COG6: variants seen among roughly 807,000 people sequenced by gnomAD.
COG6 encodes conserved oligomeric Golgi complex subunit 6.
COG6 carries 74 observed loss-of-function variants against 88.8 expected under a neutral mutation model. The observed-to-expected ratio is 0.83, with a 90% confidence interval of 0.69 to 1.01. The LOEUF is 1.01. Among genes scored for constraint, COG6 ranks in the 50% least tolerant of loss-of-function variants. The probability of loss-of-function intolerance (pLI) is 0.00; values close to 1 mark genes in which losing one functional copy is unlikely to be tolerated. For synonymous variants in COG6, 286 were observed against 278.7 expected, an observed-to-expected ratio of 1.03 and a Z score of -0.26; for missense variants, 800 against 797.9, an observed-to-expected ratio of 1.00 and a Z score of -0.03.
Position 39,687,535 on chromosome 13 carries a change from G to A in COG6, c.821G>A (p.Arg274Lys), listed in dbSNP as rs1566179848. The A allele has an allele frequency of 4.3e-6, 7 of 1,613,298 alleles. No homozygotes were observed. The highest frequency in any genetic ancestry group is 5.9e-6 in the Non-Finnish European group (7 of 1,179,504). ...TTAGATGAATTTGGAACAGCCAGAA[G>A]AAGTACAGTTGTTCGTGGATTTATT... ...YTLDEFGTARRSTVVRGFIDA... is the reference protein window; with the variant it reads ...YTLDEFGTARKSTVVRGFIDA... The change falls in exon 9 of 19, where the codon AGA (arginine) becomes AAA (lysine). Residue 274 changes from arginine to lysine, a missense_variant. Arg to Lys is a conservative substitution (Grantham distance 26, BLOSUM62 2). Coordinates refer to ENST00000455146, the MANE Select transcript of COG6 (RefSeq NM_020751.3).
chr13:39,722,227 T>C (rs891115732), intron 15 of COG6, among the ~76,000 whole-genome samples: 1 of 152,056 alleles, frequency 6.6e-6, no homozygotes, highest in African/African-American at 2.4e-5. Context: ...ATTGAGTGTT[T>C]ACCTTTGCGC....
intron 16 of COG6, among the ~76,000 whole-genome samples, chr13:39,724,031 C>A (rs1878994904): frequency 6.6e-6 from 1 of 151,970 alleles, no homozygotes; most frequent in Non-Finnish European, 1.5e-5. Context: ...AGAACTCATT[C>A]AAACAGCATT....
At chr13:39,755,764 G>C (rs1242240279), downstream of COG6, among the ~76,000 whole-genome samples, 5 of 152,180 alleles carry the variant, frequency 3.3e-5, no homozygotes, top group African/African-American at 1.2e-4. Context: ...TGTCCCAACA[G>C]ACACACAGAG....
chr13:39,678,454 T>A (rs934210425), intron 5 of COG6, among the ~76,000 whole-genome samples: 1 of 152,226 alleles, frequency 6.6e-6, no homozygotes, highest in Admixed American at 6.5e-5. Context: ...TTCCTTGGGT[T>A]AGAAATCACT....
chr13:39,743,343 T>G (rs1378320574), intron 18 of COG6, among the ~76,000 whole-genome samples: 1 of 151,776 alleles, frequency 6.6e-6, no homozygotes, highest in South Asian at 2.1e-4. Context: ...TCAACAAAAT[T>G]GATAGACGGC....
exon 19 of COG6, chr13:39,788,480 T>C (rs975443534): frequency 1.3e-5 from 11 of 850,084 alleles, no homozygotes; most frequent in Non-Finnish European, 1.3e-5. Context: ...TTTGTCATCT[T>C]CCCCTGTCTA....
At chr13:39,749,823 G>C (rs1376990615) in intron 18 of COG6, among the ~76,000 whole-genome samples, 4 of 152,114 alleles carry the variant, frequency 2.6e-5, no homozygotes, top group African/African-American at 4.8e-5. Flanking sequence ...AATGGTAGAA[G>C]GAATTTGGGC....
intron 3 of COG6, among the ~76,000 whole-genome samples, chr13:39,662,512 T>C (rs1166855493): frequency 1.3e-5 from 2 of 152,184 alleles, no homozygotes; most frequent in Non-Finnish European, 2.9e-5. Context: ...TTTATTCAGA[T>C]CAACTTTATT....
chr13:39,659,418 C>T lies in COG6; in HGVS notation c.208C>T (p.Arg70Trp), dbSNP rs745344420. 11 of 1,613,170 alleles carry T rather than the reference C, an allele frequency of 6.8e-6. No homozygotes were observed. The Admixed American group carries it at 8.3e-5, about 12-fold the overall frequency. The change falls in exon 2 of 19, where the codon CGG (arginine) becomes TGG (tryptophan). Residue 70 changes from arginine to tryptophan, a missense_variant. Arg to Trp is a moderately radical substitution (Grantham distance 101). Coordinates refer to ENST00000455146, the MANE Select transcript of COG6 (RefSeq NM_020751.3). The part of the protein sequence containing the change: ...LSTFFVENSL[R>W]TRRNLRGDIE... The stretch of plus-strand genomic sequence containing the variant: ...AACCTTTTTTGTTGAAAATAGTCTG[C>T]GGACTCGAAGAAATTTACGTGGAGA...
At chr13:39,788,343 C>T (rs1397378695) in exon 19 of COG6, 2 of 1,551,812 alleles carry the variant, frequency 1.3e-6, no homozygotes, top group Non-Finnish European at 1.7e-6. Flanking sequence ...AGGCGTCCAC[C>T]CAACGGCCCA....
chr13:39,665,244 A>G, intron 4 of COG6, 90 bp downstream of exon 4: 1 of 747,004 alleles, frequency 1.3e-6, no homozygotes. Context: ...GAATTAAAGC[A>G]GAATAATAAA....
chr13:39,672,331 G>T (rs534845789), intron 4 of COG6, among the ~76,000 whole-genome samples: 1 of 151,798 alleles, frequency 6.6e-6, no homozygotes, highest in African/African-American at 2.4e-5. Flanking sequence ...ATAGTTTATT[G>T]GTTTTAGTAT....
intron 18 of COG6, among the ~76,000 whole-genome samples, chr13:39,733,622 G>A (rs1183051794): frequency 6.6e-6 from 1 of 151,346 alleles, no homozygotes; most frequent in Non-Finnish European, 1.5e-5. Flanking sequence ...TCTGTCTTTG[G>A]TTTTGGTATC....
intron 8 of COG6, among the ~76,000 whole-genome samples, chr13:39,684,243 ATTT>A (rs1203671335): frequency 2.5e-4 from 17 of 67,390 alleles, no homozygotes; most frequent in South Asian, 1.3e-3. Context: ...AATTTGGAAG[ATTT>A]TTTTTTTTTT....
chr13:39,677,339 C>A, intron 4 of COG6, 129 bp from the exon 5 acceptor site: 1 of 669,604 alleles, frequency 1.5e-6, no homozygotes. Context: ...AGAAACAAGA[C>A]TTTTGAAAAT....
chr13:39,666,328 G>A (rs1486860304), intron 4 of COG6, among the ~76,000 whole-genome samples: 4 of 152,274 alleles, frequency 2.6e-5, no homozygotes, highest in African/African-American at 9.6e-5. Flanking sequence ...TTGAGCCCAG[G>A]AGTTCAAGGT....
chr13:39,698,984 A>G (rs544803511), intron 12 of COG6, among the ~76,000 whole-genome samples: 20 of 152,036 alleles, frequency 1.3e-4, no homozygotes, highest in African/African-American at 3.4e-4. Context: ...AGACTTTTCA[A>G]TTAGTCTAAA....
At chr13:39,682,149 T>G in intron 7 of COG6, 22 bp from the exon 8 acceptor site, 1 of 1,529,168 alleles carries the variant, frequency 6.5e-7, no homozygotes, top group Non-Finnish European at 9.1e-7. Context: ...TAACAAAAGT[T>G]ATAATGTTAA....
chr13:39,716,334 G>A (rs1270063132), intron 13 of COG6, among the ~76,000 whole-genome samples: 1 of 151,794 alleles, frequency 6.6e-6, no homozygotes, highest in African/African-American at 2.4e-5. Flanking sequence ...TTCAGTTATT[G>A]TTTGCAACGT....
Sources: gnomAD v4.1 joint callset for allele counts (sites outside exome capture counted in the v4.1 genomes callset) on GRCh38, gnomAD v4.1.1 for gene constraint, MANE v1.5 for transcripts, NCBI Gene and HGNC (gene_info 2026-07-23, HGNC 2026-07-21) for gene names.